FANCL: variants seen among roughly 807,000 people sequenced by gnomAD.
FANCL encodes FA complementation group L.
In FANCL, 69 loss-of-function variants were observed where a neutral mutation model predicts 59.4. That is an observed-to-expected ratio of 1.16 (90% CI 0.96 to 1.42). The LOEUF (loss-of-function observed/expected upper bound fraction) is 1.42, where lower values mean the gene tolerates loss of function less well. Ranked by LOEUF, FANCL falls within the 40% of genes most tolerant of loss-of-function variation. FANCL has a pLI of 0.00. For missense variants in FANCL, 519 were observed against 447.2 expected, an observed-to-expected ratio of 1.16 and a Z score of -1.45; for synonymous variants, 180 against 147.1, an observed-to-expected ratio of 1.22 and a Z score of -1.62.
chr2:58,236,680 C>G (rs1025287846), intron 1 of FANCL, among the ~76,000 whole-genome samples: 1 of 151,978 alleles, frequency 6.6e-6, no homozygotes, highest in Admixed American at 6.6e-5. Flanking sequence ...AAGTAAAAGG[C>G]AATGACTATC....
rs1314566561 is a variant in FANCL at position 58,234,141 on chromosome 2, G to A, written c.97-2029C>T. On this transcript the variant is annotated intron_variant, in intron 1 of 13. Coordinates refer to ENST00000233741, the MANE Select transcript of FANCL (RefSeq NM_018062.4). ...CAATGCAAAGCTACTATGAGACAAA[G>A]AAACAAAAAGAGACTCACAAGATTT... Among the ~76,000 whole-genome samples the A allele has an allele frequency of 2.0e-5, 3 of 151,830 alleles. 1 individual carries two copies. In the East Asian group the frequency reaches 5.8e-4, roughly 29 times the overall value.
At chr2:58,210,620 T>C (rs1174058443) in intron 5 of FANCL, among the ~76,000 whole-genome samples, 1 of 152,062 alleles carries the variant, frequency 6.6e-6, no homozygotes, top group Non-Finnish European at 1.5e-5. Flanking sequence ...CAAAGTCTCA[T>C]CTAAGACAAG....
At chr2:58,173,121 G>T (rs573370745) in intron 7 of FANCL, among the ~76,000 whole-genome samples, 1 of 152,286 alleles carries the variant, frequency 6.6e-6, no homozygotes, top group East Asian at 1.9e-4. Flanking sequence ...AAGCCTCCAA[G>T]AAATATGGCA....
At position 58,165,801 on chromosome 2, in the gene FANCL, T is replaced by C. The variant is rs1467106277; in HGVS notation, c.614A>G (p.Asp205Gly). Residue 205 changes from aspartate (D) to glycine (G), a missense_variant, in exon 8 of 14, where the codon GAT becomes GGT. Transcript: ENST00000233741. ...ESLKAFWDVM[D>G]EIDEKTWVLE... ...TACCCAGGTCTTCTCATCGATTTCA[T>C]CCATAACATCCCAGAATGCCTTTAG... The C allele has an allele frequency of 1.4e-5, 22 of 1,614,002 alleles. No individual in the cohort carries two copies. The highest frequency in any genetic ancestry group is 1.8e-5 in the Non-Finnish European group (21 of 1,179,994).
chr2:58,168,108 C>A (rs925760998), intron 7 of FANCL, among the ~76,000 whole-genome samples: 1 of 151,984 alleles, frequency 6.6e-6, no homozygotes, highest in Non-Finnish European at 1.5e-5. Context: ...GAGATGAATT[C>A]TCTAAAAAAT....
In FANCL at chr2:58,234,955, G is replaced by A. The variant is rs148836795; in HGVS notation, c.97-2843C>T. ...TTTCAGACATTAAACAATAGGCAGC[G>A]AGGACAGTGATCCTTGAAATAAGGG... On this transcript the variant is annotated intron_variant, in intron 1 of 13. Transcript: ENST00000233741. Among the ~76,000 whole-genome samples, 800 of 152,014 alleles carry A rather than the reference G, an allele frequency of 5.3e-3. 11 individuals are homozygous for A. The highest frequency in any genetic ancestry group is 0.018 in the African/African-American group (746 of 41,476).
chr2:58,205,774 A>G (rs576323777), intron 5 of FANCL, among the ~76,000 whole-genome samples: 1 of 150,052 alleles, frequency 6.7e-6, no homozygotes, highest in Non-Finnish European at 1.5e-5. Flanking sequence ...GCAAAAATGC[A>G]GTGTTCAGGA....
rs757892335 is a variant in FANCL, at chr2:58,198,609, G to A, written c.525C>T (p.Ala175=). 8 of 1,613,488 alleles carry A rather than the reference G, an allele frequency of 5.0e-6. No individual in the cohort carries two copies. The Admixed American group carries it at 1.3e-4, about 27-fold the overall frequency. ...GAGAATTTACCTGAGGTGTCCAGGA[G>A]GCACAAAATGGAACAGGAAAATCCA... ...YFVDFPVPFC[A]SWTPQSSLIS... The change falls in exon 7 of 14, where the codon GCC becomes GCT. Residue 175 remains alanine, a synonymous_variant. Transcript: ENST00000233741.
intron 5 of FANCL, chr2:58,213,826 G>C (rs1404465889): frequency 6.6e-6 from 1 of 152,034 alleles, no homozygotes; most frequent in African/African-American, 2.4e-5. Flanking sequence ...CTCTCCAAGG[G>C]TGTGTTAATT....
At chr2:58,225,221 G>A (rs1198356564) in intron 4 of FANCL, among the ~76,000 whole-genome samples, 1 of 150,580 alleles carries the variant, frequency 6.6e-6, no homozygotes. Flanking sequence ...AGTTCATAAA[G>A]ATACTTTAAA....
At chr2:58,235,134 G>A (rs80099621) in intron 1 of FANCL, among the ~76,000 whole-genome samples, 9,795 of 151,750 alleles carry the variant, frequency 0.065, 405 homozygotes, top group Non-Finnish European at 0.092. Flanking sequence ...TGTACAATTC[G>A]CAAGGTATAG....
At chr2:58,241,102 GC>G in intron 1 of FANCL, 115 bp downstream of exon 1, 1 of 1,078,078 alleles carries the variant, frequency 9.3e-7, no homozygotes, top group South Asian at 1.3e-5. Context: ...GTTACGCGCC[GC>G]CCCTCTCAAT....
chr2:58,218,704 C>T (rs1349108259), intron 5 of FANCL, among the ~76,000 whole-genome samples: 3 of 151,518 alleles, frequency 2.0e-5, no homozygotes, highest in Admixed American at 1.3e-4. Context: ...TCTGATAGTG[C>T]TCTGCACGTA....
At chr2:58,226,701 A>G (rs1693035348) in intron 4 of FANCL, 27 bp downstream of exon 4, 2 of 1,551,688 alleles carry the variant, frequency 1.3e-6, no homozygotes, top group East Asian at 4.5e-5. Context: ...GTATGGTAAC[A>G]GTGTCAGAAA....
intron 7 of FANCL, among the ~76,000 whole-genome samples, chr2:58,190,684 T>C (rs1349361178): frequency 6.6e-6 from 1 of 151,870 alleles, no homozygotes; most frequent in Non-Finnish European, 1.5e-5. Context: ...TCAAAACTAA[T>C]AGAAAGAATA....
chr2:58,175,890 T>C (rs2104912632), intron 7 of FANCL, among the ~76,000 whole-genome samples: 1 of 152,120 alleles, frequency 6.6e-6, no homozygotes, highest in South Asian at 2.1e-4. Flanking sequence ...AACCCCATTG[T>C]CTCAGCCCAA....
chr2:58,207,866 G>C (rs1397412344), intron 5 of FANCL, among the ~76,000 whole-genome samples: 1 of 152,118 alleles, frequency 6.6e-6, no homozygotes, highest in East Asian at 1.9e-4. Context: ...AGACCAGCCT[G>C]GGCGACACAG....
intron 5 of FANCL, among the ~76,000 whole-genome samples, chr2:58,220,124 G>A (rs972423005): frequency 6.6e-6 from 1 of 152,152 alleles, no homozygotes; most frequent in Non-Finnish European, 1.5e-5. Flanking sequence ...ACATGCAATC[G>A]CGATTTTAGT....
At chr2:58,235,319 G>C (rs1192673053) in intron 1 of FANCL, among the ~76,000 whole-genome samples, 2 of 152,054 alleles carry the variant, frequency 1.3e-5, no homozygotes, top group Non-Finnish European at 2.9e-5. Context: ...CAATCTCAAA[G>C]TTCATACAAG....
Sources: gnomAD v4.1 joint callset for allele counts (sites outside exome capture counted in the v4.1 genomes callset) on GRCh38, gnomAD v4.1.1 for gene constraint, MANE v1.5 for transcripts, NCBI Gene and HGNC (gene_info 2026-07-23, HGNC 2026-07-21) for gene names.